ABTB3: variants seen among roughly 807,000 people sequenced by gnomAD.
ABTB3 encodes the protein ankyrin repeat and BTB domain containing 3, also known as ankyrin repeat- and BTB/POZ domain-containing protein 3.
At chr12:107,404,162 C>CAAAAAAAAAAAAAAAAAAAA in the ABTB3 span, among the ~76,000 whole-genome samples, 1 of 40,256 alleles carries the variant, frequency 2.5e-5, no homozygotes. Flanking sequence ...GACTCTAACT[C>CAAAAAAAAAAAAAAAAAAAA]AAAAAAAAAA....
chr12:107,640,655 G>A, the ABTB3 span, among the ~76,000 whole-genome samples: 4 of 152,162 alleles, frequency 2.6e-5, no homozygotes, highest in African/African-American at 9.7e-5. Flanking sequence ...ATTGGATTTT[G>A]GCTCCCTCGG....
chr12:107,431,102 G>A, the ABTB3 span, among the ~76,000 whole-genome samples: 1 of 152,260 alleles, frequency 6.6e-6, no homozygotes, highest in Non-Finnish European at 1.5e-5. Context: ...GGTCTTGTGT[G>A]ACCTGGATGA....
chr12:107,378,919 G>C, the ABTB3 span, among the ~76,000 whole-genome samples: 19 of 152,282 alleles, frequency 1.2e-4, no homozygotes, highest in African/African-American at 4.1e-4. Context: ...AGCCACCCCT[G>C]CTTTTGTAGC....
At chr12:107,319,819 A>C in the ABTB3 span, 2 of 1,281,806 alleles carry the variant, frequency 1.6e-6, no homozygotes. Context: ...CGCCCGGGGG[A>C]GGAGCGGCGA....
At chr12:107,418,544 C>T in the ABTB3 span, among the ~76,000 whole-genome samples, 221 of 152,318 alleles carry the variant, frequency 1.5e-3, 1 homozygote, top group African/African-American at 5.2e-3. Flanking sequence ...GGTCTTTTCT[C>T]AGTATTTGGA....
At chr12:107,614,647 C>T in the ABTB3 span, among the ~76,000 whole-genome samples, 1 of 152,214 alleles carries the variant, frequency 6.6e-6, no homozygotes, top group Non-Finnish European at 1.5e-5. Context: ...ACTGCCATTA[C>T]AGCTTCTTCA....
chr12:107,458,242 G>A, the ABTB3 span, among the ~76,000 whole-genome samples: 919 of 152,196 alleles, frequency 6.0e-3, 7 homozygotes, highest in Middle Eastern at 0.051. Flanking sequence ...TTATTTCATC[G>A]TCCCCACTCC....
At chr12:107,632,157 C>T in the ABTB3 span, among the ~76,000 whole-genome samples, 2 of 152,194 alleles carry the variant, frequency 1.3e-5, no homozygotes, top group African/African-American at 2.4e-5. Context: ...AAAAGAGTGC[C>T]TTTCACACTG....
At chr12:107,617,316 T>C in the ABTB3 span, 5 of 1,613,944 alleles carry the variant, frequency 3.1e-6, no homozygotes, top group African/African-American at 4.0e-5. Context: ...TTTGAGCTGG[T>C]TAGTTTGCTG....
chr12:107,326,329 A>G, the ABTB3 span, among the ~76,000 whole-genome samples: 4 of 152,228 alleles, frequency 2.6e-5, no homozygotes, highest in African/African-American at 9.6e-5. Flanking sequence ...AGGGTCATTT[A>G]GGTACCAAGC....
the ABTB3 span, among the ~76,000 whole-genome samples, chr12:107,622,235 G>T: frequency 6.6e-6 from 1 of 152,158 alleles, no homozygotes; most frequent in Admixed American, 6.5e-5. Context: ...GTGGGAGCGG[G>T]TAGGTGGAGG....
At chr12:107,423,742 C>A in the ABTB3 span, among the ~76,000 whole-genome samples, 19 of 152,342 alleles carry the variant, frequency 1.2e-4, no homozygotes, top group South Asian at 3.7e-3. Context: ...GCTGATACCA[C>A]TCCAGGCCTG....
chr12:107,339,892 C>T, the ABTB3 span, among the ~76,000 whole-genome samples: 1 of 152,126 alleles, frequency 6.6e-6, no homozygotes, highest in African/African-American at 2.4e-5. Flanking sequence ...CACTCAAACA[C>T]AAACCATTAC....
chr12:107,615,562 T>C, the ABTB3 span, among the ~76,000 whole-genome samples: 1 of 152,330 alleles, frequency 6.6e-6, no homozygotes, highest in South Asian at 2.1e-4. Flanking sequence ...AATCCATTGG[T>C]TTCCAGCCAG....
the ABTB3 span, among the ~76,000 whole-genome samples, chr12:107,513,735 G>T: frequency 6.6e-6 from 1 of 152,170 alleles, no homozygotes; most frequent in Non-Finnish European, 1.5e-5. Context: ...GGATGTCAGG[G>T]TGTTCTATTT....
At chr12:107,546,485 T>G in the ABTB3 span, among the ~76,000 whole-genome samples, 4 of 152,220 alleles carry the variant, frequency 2.6e-5, no homozygotes, top group South Asian at 8.3e-4. Context: ...TGAGGCTGCA[T>G]CGTGAGATTT....
At chr12:107,458,477 G>C in the ABTB3 span, among the ~76,000 whole-genome samples, 8 of 152,176 alleles carry the variant, frequency 5.3e-5, no homozygotes, top group African/African-American at 1.7e-4. Flanking sequence ...AATCTAGGGG[G>C]ATAGGCCTCC....
chr12:107,642,787 T>C, the ABTB3 span, among the ~76,000 whole-genome samples: 1 of 151,700 alleles, frequency 6.6e-6, no homozygotes, highest in Non-Finnish European at 1.5e-5. Context: ...GGCTTCCTGG[T>C]CCAAGGCCAG....
chr12:107,502,546 T>A, the ABTB3 span, among the ~76,000 whole-genome samples: 16 of 151,114 alleles, frequency 1.1e-4, no homozygotes, highest in Non-Finnish European at 2.2e-4. Flanking sequence ...TACAGTGTAT[T>A]TATAATATTA....
Sources: gnomAD v4.1 joint callset for allele counts (sites outside exome capture counted in the v4.1 genomes callset) on GRCh38, gnomAD v4.1.1 for gene constraint, MANE v1.5 for transcripts, NCBI Gene and HGNC (gene_info 2026-07-23, HGNC 2026-07-21) for gene names.